Variants in GLRA3 observed in about 807,000 individuals in gnomAD.
GLRA3 encodes the protein glycine receptor subunit alpha-3.
Under a neutral mutation model 60.4 loss-of-function variants are expected in GLRA3, and 44 were observed. The observed-to-expected ratio is 0.73, with a 90% CI of 0.57 to 0.94. GLRA3 has a LOEUF of 0.94. Ranked by LOEUF, GLRA3 falls within the 40% of genes least tolerant of loss-of-function variation. The pLI is 0.00. For missense variants in GLRA3, 508 were observed against 564.6 expected (o/e 0.90, Z 1.02); for synonymous variants, 223 against 192.9 (o/e 1.16, Z -1.29).
intron 9 of GLRA3, among the ~76,000 whole-genome samples, chr4:174,645,327 G>A (rs752492539): frequency 3.6e-4 from 55 of 150,702 alleles, no homozygotes; most frequent in African/African-American, 4.9e-4. Context: ...CAGGAGAATC[G>A]CTTGATCCCT....
chr4:174,696,549 A>G (rs530087404), intron 5 of GLRA3, among the ~76,000 whole-genome samples: 59 of 151,074 alleles, frequency 3.9e-4, no homozygotes, highest in Non-Finnish European at 6.6e-4. Flanking sequence ...GGCAACTTAC[A>G]GAAGAAACAG....
chr4:174,728,639 A>G lies in GLRA3; in HGVS notation c.327T>C (p.Ser109=), dbSNP rs780735897. The change falls in exon 4 of 10, where the codon AGT becomes AGC. Residue 109 remains serine, a synonymous_variant. Coordinates refer to ENST00000274093, the MANE Select transcript of GLRA3 (RefSeq NM_006529.4). ...QKWNDPRLAY[S]EYPDDSLDLD... ...GGTCTAAAGAGTCGTCAGGATATTC[A>G]CTGTACGCGAGGCGGGGATCATTCC... The G allele has an allele frequency of 4.3e-6, 7 of 1,612,174 alleles. No homozygotes were observed. Among genetic ancestry groups the G allele is most frequent in the South Asian group, 1.1e-5 (1 of 91,050 alleles).
chr4:174,761,615 TCTAA>T (rs1324855276), intron 3 of GLRA3, among the ~76,000 whole-genome samples: 1 of 152,216 alleles, frequency 6.6e-6, no homozygotes, highest in East Asian at 1.9e-4. Flanking sequence ...AGCACAATTC[TCTAA>T]CTTTCTAACA....
intron 1 of GLRA3, among the ~76,000 whole-genome samples, chr4:174,820,901 AT>A (rs377758297): frequency 1.9e-4 from 29 of 150,640 alleles, no homozygotes; most frequent in South Asian, 6.3e-4. Flanking sequence ...GCTGACAATC[AT>A]TTTTTTTTTA....
At chr4:174,737,538 C>CAA (rs1554017181) in intron 3 of GLRA3, among the ~76,000 whole-genome samples, 2 of 151,694 alleles carry the variant, frequency 1.3e-5, no homozygotes, top group African/African-American at 4.9e-5. Flanking sequence ...GTTGTTGAGA[C>CAA]AGTCTCTCTC....
At chr4:174,675,695 AT>A (rs1205365928) in intron 7 of GLRA3, among the ~76,000 whole-genome samples, 4 of 152,196 alleles carry the variant, frequency 2.6e-5, no homozygotes, top group African/African-American at 7.2e-5. Flanking sequence ...CACATGAAAA[AT>A]ATTTTAGAAA....
chr4:174,738,562 G>A (rs1736889165), intron 3 of GLRA3, among the ~76,000 whole-genome samples: 1 of 152,194 alleles, frequency 6.6e-6, no homozygotes, highest in Non-Finnish European at 1.5e-5. Context: ...TTTGTTGAAT[G>A]TAAATCCTAG....
chr4:174,756,858 A>G (rs952644971), intron 3 of GLRA3, among the ~76,000 whole-genome samples: 7 of 152,110 alleles, frequency 4.6e-5, no homozygotes, highest in African/African-American at 1.7e-4. Flanking sequence ...CATGTTAGCC[A>G]GGATGGTCTC....
At chr4:174,735,450 A>C (rs575643205) in intron 3 of GLRA3, among the ~76,000 whole-genome samples, 1 of 152,368 alleles carries the variant, frequency 6.6e-6, no homozygotes, top group South Asian at 2.1e-4. Context: ...TCATTCCAAC[A>C]GAATATTGTC....
intron 9 of GLRA3, among the ~76,000 whole-genome samples, chr4:174,651,256 T>C (rs566696862): frequency 2.6e-5 from 4 of 152,304 alleles, no homozygotes; most frequent in East Asian, 3.9e-4. Flanking sequence ...CTTAAACGGA[T>C]ATTGGAATGG....
In GLRA3 at chr4:174,783,123, A is replaced by C. The variant is rs1187175042; in HGVS notation, c.199+5693T>G. Among the ~76,000 whole-genome samples, 13 of 152,262 alleles carry C rather than the reference A, an allele frequency of 8.5e-5. 1 individual carries two copies. The East Asian group carries it at 2.3e-3, about 27-fold the overall frequency. ...ATGGTACTGGTACCAAAACAGAGATATAGATCAATGGAACAGAACAGAGCC... is the reference window on the plus strand; with the variant it reads ...ATGGTACTGGTACCAAAACAGAGATCTAGATCAATGGAACAGAACAGAGCC... On this transcript the variant is annotated intron_variant, in intron 2 of 9. Transcript: ENST00000274093.
At chr4:174,744,272 C>T (rs545231602) in intron 3 of GLRA3, among the ~76,000 whole-genome samples, 49 of 152,372 alleles carry the variant, frequency 3.2e-4, no homozygotes, top group South Asian at 1.9e-3. Flanking sequence ...GACCTAAGAA[C>T]GCAATCACCT....
At chr4:174,736,468 A>T (rs1736794034) in intron 3 of GLRA3, among the ~76,000 whole-genome samples, 1 of 151,986 alleles carries the variant, frequency 6.6e-6, no homozygotes, top group Admixed American at 6.6e-5. Flanking sequence ...CCAGTTAGTG[A>T]TCTCCTTTCC....
intron 2 of GLRA3, among the ~76,000 whole-genome samples, chr4:174,773,431 A>C (rs546058788): frequency 6.6e-6 from 1 of 151,698 alleles, no homozygotes; most frequent in South Asian, 2.1e-4. Flanking sequence ...CATATTGGGG[A>C]AAAATTGTTC....
intron 3 of GLRA3, among the ~76,000 whole-genome samples, chr4:174,751,050 C>CCTGT (rs3059134): frequency 3.4e-5 from 5 of 147,670 alleles, no homozygotes; most frequent in African/African-American, 1.2e-4. Context: ...AAAAGAGAAG[C>CCTGT]CTGTCTGTCT....
At chr4:174,675,474 C>A (rs1242040371) in intron 7 of GLRA3, among the ~76,000 whole-genome samples, 1 of 152,004 alleles carries the variant, frequency 6.6e-6, no homozygotes, top group African/African-American at 2.4e-5. Context: ...CTTGTAGAAG[C>A]CATAGATTCT....
intron 3 of GLRA3, among the ~76,000 whole-genome samples, chr4:174,736,286 A>T (rs115226268): frequency 0.037 from 5,567 of 152,272 alleles, 150 homozygotes; most frequent in Non-Finnish European, 0.054. Context: ...ATTTAAATTT[A>T]AAATTTTAAA....
chr4:174,738,757 A>G lies in GLRA3; in HGVS notation c.268-10059T>C, dbSNP rs560125464. ...AAATTATTTGAAGTGATGAGAACAC[A>G]TGTACTAAATTAAGCATCTTTACCA... On this transcript the variant is annotated intron_variant, in intron 3 of 9. Coordinates refer to ENST00000274093, the MANE Select transcript of GLRA3 (RefSeq NM_006529.4). 3.9e-5 allele frequency among the ~76,000 whole-genome samples: 6 copies of G among 152,352 alleles called. No individual in the cohort carries two copies. The South Asian group carries it at 1.2e-3, about 32-fold the overall frequency.
chr4:174,692,203 C>A, intron 5 of GLRA3, among the ~76,000 whole-genome samples: 1 of 151,380 alleles, frequency 6.6e-6, no homozygotes, highest in South Asian at 2.1e-4. Context: ...CAGCAGCCAC[C>A]CCGTCCGGGA....
Sources: allele counts gnomAD v4.1 joint callset (sites outside exome capture counted in the v4.1 genomes callset), GRCh38; gene constraint gnomAD v4.1.1; transcripts MANE v1.5; gene names NCBI Gene and HGNC (gene_info 2026-07-23, HGNC 2026-07-21).